Variants in MFHAS1 observed in about 807,000 individuals in gnomAD.
The protein encoded by MFHAS1 is malignant fibrous histiocytoma-amplified sequence 1.
Under a neutral mutation model 70.4 loss-of-function variants are expected in MFHAS1, and 50 were observed. The ratio of observed to expected loss-of-function variants is 0.71; its 90% confidence interval spans 0.57 to 0.90. The LOEUF (loss-of-function observed/expected upper bound fraction) is 0.90. Among genes scored for constraint, MFHAS1 ranks in the 40% least tolerant of loss-of-function variants. The pLI, the probability that MFHAS1 is intolerant of heterozygous loss-of-function variation, is 0.00. For synonymous variants in MFHAS1, 952 were observed against 620.0 expected, an observed-to-expected ratio of 1.54 and a Z score of -7.96; for missense variants, 1,795 against 1,347.6, an observed-to-expected ratio of 1.33 and a Z score of -5.20.
At chr8:8,818,206 G>GTCAGTTCCAC (rs1806819629) in intron 1 of MFHAS1, among the ~76,000 whole-genome samples, 1 of 123,666 alleles carries the variant, frequency 8.1e-6, no homozygotes, top group Non-Finnish European at 2.0e-5. Context: ...AGACTCAGAA[G>GTCAGTTCCAC]AGTTTCTGGA....
chr8:8,797,617 T>A, intron 1 of MFHAS1, 126 bp from the exon 2 acceptor site: 2 of 1,062,250 alleles, frequency 1.9e-6, no homozygotes, highest in Non-Finnish European at 2.7e-6. Context: ...ACGAAGGATG[T>A]GAGAACAAAT....
At chr8:8,877,285 G>C (rs1226001561) in intron 1 of MFHAS1, among the ~76,000 whole-genome samples, 1 of 100,482 alleles carries the variant, frequency 1.0e-5, no homozygotes, top group Non-Finnish European at 1.9e-5. Flanking sequence ...CTGGGTGACA[G>C]AGTGAGACCC....
intron 1 of MFHAS1, among the ~76,000 whole-genome samples, chr8:8,819,569 A>G (rs1271351710): frequency 2.1e-5 from 3 of 145,000 alleles, no homozygotes; most frequent in East Asian, 2.0e-4. Flanking sequence ...ACGCCACTGC[A>G]CTCCAGCCTA....
chr8:8,888,811 T>C (rs1170155378), intron 1 of MFHAS1, among the ~76,000 whole-genome samples: 1 of 152,164 alleles, frequency 6.6e-6, no homozygotes, highest in Non-Finnish European at 1.5e-5. Flanking sequence ...ACCCACAGAA[T>C]GCCCAACACA....
chr8:8,865,139 C>T (rs1248637310), intron 1 of MFHAS1, among the ~76,000 whole-genome samples: 2 of 151,644 alleles, frequency 1.3e-5, no homozygotes, highest in East Asian at 1.9e-4. Context: ...TAGCTGGGCA[C>T]GGTGGCATGC....
At chr8:8,842,889 T>G (rs941231900) in intron 1 of MFHAS1, among the ~76,000 whole-genome samples, 2 of 152,258 alleles carry the variant, frequency 1.3e-5, no homozygotes, top group African/African-American at 2.4e-5. Context: ...ATTTCTCACT[T>G]GGGCCTTTGC....
chr8:8,875,766 A>G (rs944260628), intron 1 of MFHAS1, among the ~76,000 whole-genome samples: 2 of 151,948 alleles, frequency 1.3e-5, no homozygotes, highest in African/African-American at 4.8e-5. Context: ...AATTTTTGCA[A>G]TTTTTTACTA....
At chr8:8,874,486 C>T (rs1034490155) in intron 1 of MFHAS1, among the ~76,000 whole-genome samples, 3 of 152,056 alleles carry the variant, frequency 2.0e-5, no homozygotes, top group African/African-American at 4.8e-5. Context: ...TGATCTCATT[C>T]CTGTTAAAAT....
At chr8:8,842,780 C>T (rs192692860) in intron 1 of MFHAS1, among the ~76,000 whole-genome samples, 19 of 152,190 alleles carry the variant, frequency 1.2e-4, no homozygotes, top group Non-Finnish European at 2.4e-4. Flanking sequence ...GTAACCCATG[C>T]ACCATCATGA....
intron 1 of MFHAS1, among the ~76,000 whole-genome samples, chr8:8,878,414 T>C (rs1003364651): frequency 1.3e-5 from 2 of 151,972 alleles, no homozygotes; most frequent in African/African-American, 4.8e-5. Context: ...TTAAATAAGA[T>C]CACCCCTAGG....
At chr8:8,838,404 C>T (rs149067052) in intron 1 of MFHAS1, among the ~76,000 whole-genome samples, 1 of 152,252 alleles carries the variant, frequency 6.6e-6, no homozygotes, top group African/African-American at 2.4e-5. Flanking sequence ...GCAAACTATA[C>T]ATCATTAAAA....
At chr8:8,848,520 G>A (rs1808117359) in intron 1 of MFHAS1, among the ~76,000 whole-genome samples, 1 of 152,088 alleles carries the variant, frequency 6.6e-6, no homozygotes, top group African/African-American at 2.4e-5. Context: ...GGCTCAGGCA[G>A]AACTCAAAAA....
At chr8:8,833,213 C>G (rs1327215371) in intron 1 of MFHAS1, among the ~76,000 whole-genome samples, 2 of 152,190 alleles carry the variant, frequency 1.3e-5, no homozygotes, top group African/African-American at 2.4e-5. Context: ...TCATCTCCCA[C>G]CAGGCCCCAC....
chr8:8,827,680 A>G (rs1533058), intron 1 of MFHAS1, among the ~76,000 whole-genome samples: 66,865 of 152,030 alleles, frequency 0.44, 16,241 homozygotes, highest in East Asian at 0.76. Context: ...TTTTTTGACC[A>G]CATTTATGGA....
Position 8,887,480 on chromosome 8 carries a change from C to T in MFHAS1, c.2998+2581G>A, listed in dbSNP as rs144114468. Among the ~76,000 whole-genome samples the T allele has an allele frequency of 8.3e-3, 1,240 of 150,294 alleles. 23 individuals are homozygous for T. The highest frequency in any genetic ancestry group is 0.029 in the African/African-American group (1,189 of 41,032). Reference sequence around the variant, plus strand: ...TATACCCTCTGCTACTTTTGAAAAACAACACAATTCAAAAAAAAACAAAAA... The same window carrying T: ...TATACCCTCTGCTACTTTTGAAAAATAACACAATTCAAAAAAAAACAAAAA... On this transcript the variant is annotated intron_variant, in intron 1 of 2. Coordinates refer to ENST00000276282, the MANE Select transcript of MFHAS1 (RefSeq NM_004225.3).
In MFHAS1 at chr8:8,890,738, G is replaced by A. The variant is rs1336600755; in HGVS notation, c.2321C>T (p.Thr774Ile). 1 of 1,613,710 alleles carries A rather than the reference G, an allele frequency of 6.2e-7. No individual in the cohort carries two copies. Among genetic ancestry groups the A allele is most frequent in the South Asian group, 1.1e-5 (1 of 91,046 alleles). ...GGCCCGGAGCAGTTCCTGGCTGGGG[G>A]TGGACCGCGCCATGGGCGGGGAGCT... is the stretch of plus-strand genomic sequence containing the variant. ...GESSPPMARS[T>I]PSQELLRATQ... is the part of the protein sequence containing the mutation. The change falls in exon 1 of 3, where the codon ACC (threonine) becomes ATC (isoleucine). Residue 774 changes from threonine to isoleucine, a missense_variant. Coordinates refer to ENST00000276282, the MANE Select transcript of MFHAS1 (RefSeq NM_004225.3).
intron 1 of MFHAS1, among the ~76,000 whole-genome samples, chr8:8,864,091 T>C (rs563884413): frequency 2.6e-5 from 4 of 152,208 alleles, no homozygotes; most frequent in Non-Finnish European, 4.4e-5. Context: ...GTCAGGGAGA[T>C]GGATTTGAGA....
At chr8:8,857,849 A>G (rs1808502485) in intron 1 of MFHAS1, among the ~76,000 whole-genome samples, 1 of 152,182 alleles carries the variant, frequency 6.6e-6, no homozygotes, top group African/African-American at 2.4e-5. Context: ...CTTTTAAAAT[A>G]CCTAAAGCAA....
intron 1 of MFHAS1, among the ~76,000 whole-genome samples, chr8:8,863,736 C>T (rs1421760722): frequency 1.3e-5 from 2 of 152,208 alleles, no homozygotes; most frequent in African/African-American, 4.8e-5. Flanking sequence ...TTACCTGTAA[C>T]TGAAACCCAC....
Sources: allele counts gnomAD v4.1 joint callset (sites outside exome capture counted in the v4.1 genomes callset), GRCh38; gene constraint gnomAD v4.1.1; transcripts MANE v1.5; gene names NCBI Gene and HGNC (gene_info 2026-07-23, HGNC 2026-07-21).